FGF14: variants seen among roughly 807,000 people sequenced by gnomAD.
FGF14 encodes fibroblast growth factor 14.
In FGF14, 5 loss-of-function variants were observed where a neutral mutation model predicts 25.5. The ratio of observed to expected loss-of-function variants is 0.20; its 90% CI spans 0.10 to 0.41. FGF14 has a LOEUF of 0.41. Ranked by LOEUF, FGF14 falls within the 10% of genes least tolerant of loss-of-function variation. The pLI is 1.00. For synonymous variants in FGF14, 138 were observed against 118.3 expected (o/e 1.17, Z -1.08); for missense variants, 222 against 320.1 (o/e 0.69, Z 2.34).
chr13:102,076,661 C>A (rs922852785), intron 1 of FGF14, among the ~76,000 whole-genome samples: 1 of 151,994 alleles, frequency 6.6e-6, no homozygotes, highest in African/African-American at 2.4e-5. Context: ...ATTGAAGACA[C>A]AAATAAATCC....
intron 3 of FGF14, among the ~76,000 whole-genome samples, chr13:101,763,291 G>A (rs575961888): frequency 2.0e-5 from 3 of 152,284 alleles, no homozygotes; most frequent in Non-Finnish European, 4.4e-5. Context: ...TGTAAGGCAA[G>A]GGGTGCTCTC....
At chr13:102,385,073 C>A (rs549920561) in intron 1 of FGF14, among the ~76,000 whole-genome samples, 51 of 152,212 alleles carry the variant, frequency 3.4e-4, no homozygotes, top group Non-Finnish European at 5.4e-4. Context: ...CAATGATATA[C>A]GATATGTTAA....
At chr13:102,187,152 G>T (rs903986421) in intron 1 of FGF14, among the ~76,000 whole-genome samples, 3 of 152,154 alleles carry the variant, frequency 2.0e-5, no homozygotes. Flanking sequence ...AAATAGCACT[G>T]CCTCCGTCTA....
intron 2 of FGF14, 123 bp downstream of exon 2, chr13:101,875,063 G>T (rs984998516): frequency 2.7e-6 from 2 of 735,616 alleles, no homozygotes; most frequent in African/African-American, 3.5e-5. Context: ...GCATCCTAGT[G>T]TGTAACATTT....
chr13:102,209,878 T>C (rs947049112), intron 1 of FGF14, among the ~76,000 whole-genome samples: 1 of 152,086 alleles, frequency 6.6e-6, no homozygotes, highest in Non-Finnish European at 1.5e-5. Flanking sequence ...GAAAGACAAA[T>C]ATATCTTTTT....
intron 1 of FGF14, among the ~76,000 whole-genome samples, chr13:102,305,144 A>G (rs139688812): frequency 1.2e-4 from 19 of 152,310 alleles, no homozygotes; most frequent in African/African-American, 3.6e-4. Context: ...TAAAACAGAT[A>G]AAACAATGAT....
chr13:101,788,533 C>A (rs140413310), intron 3 of FGF14, among the ~76,000 whole-genome samples: 1 of 151,816 alleles, frequency 6.6e-6, no homozygotes, highest in South Asian at 2.1e-4. Context: ...TATTATGAAC[C>A]GGAAGCATGT....
At chr13:102,102,858 A>G (rs988123319) in intron 1 of FGF14, among the ~76,000 whole-genome samples, 1 of 152,166 alleles carries the variant, frequency 6.6e-6, no homozygotes, top group Non-Finnish European at 1.5e-5. Flanking sequence ...GTCTCTTTAA[A>G]ATCTCAAATA....
intron 1 of FGF14, among the ~76,000 whole-genome samples, chr13:102,317,854 C>T (rs1459361608): frequency 6.6e-6 from 1 of 152,162 alleles, no homozygotes; most frequent in Non-Finnish European, 1.5e-5. Context: ...TCCAGTTTGA[C>T]CATGTGGAAA....
chr13:102,147,765 G>C (rs1482553695), intron 1 of FGF14, among the ~76,000 whole-genome samples: 2 of 152,184 alleles, frequency 1.3e-5, no homozygotes, highest in Non-Finnish European at 2.9e-5. Context: ...GACTAAAAAA[G>C]CTGAACTTGA....
chr13:101,948,263 G>T lies in FGF14; in HGVS notation c.209-72967C>A, dbSNP rs984542475. Among the ~76,000 whole-genome samples, 5 of 152,048 alleles carry T rather than the reference G, an allele frequency of 3.3e-5. No homozygotes were observed. In the East Asian group the frequency reaches 9.6e-4, roughly 29 times the overall value. ...AGTCATCCACATGTATTTTGAAATA[G>T]CTCAGGTTTCCTTGCCCAATATATA... On this transcript the variant is annotated intron_variant, in intron 1 of 4. Transcript: ENST00000376131.
At chr13:102,303,056 C>T (rs1237526115) in intron 1 of FGF14, among the ~76,000 whole-genome samples, 1 of 152,188 alleles carries the variant, frequency 6.6e-6, no homozygotes, top group East Asian at 1.9e-4. Context: ...GACATCATCT[C>T]CTACCACTTT....
chr13:102,115,818 G>A (rs1594014215), intron 1 of FGF14, among the ~76,000 whole-genome samples: 1 of 145,664 alleles, frequency 6.9e-6, no homozygotes, highest in Admixed American at 6.9e-5. Flanking sequence ...CAAAAATAAA[G>A]TAGAAAAAAA....
At chr13:102,009,145 A>G (rs2039953577) in intron 1 of FGF14, among the ~76,000 whole-genome samples, 1 of 152,208 alleles carries the variant, frequency 6.6e-6, no homozygotes, top group Non-Finnish European at 1.5e-5. Flanking sequence ...CTGTATATTC[A>G]TTCAGGCTTT....
At chr13:102,258,842 CA>C (rs1460490599) in intron 1 of FGF14, among the ~76,000 whole-genome samples, 4 of 152,130 alleles carry the variant, frequency 2.6e-5, no homozygotes, top group African/African-American at 9.7e-5. Flanking sequence ...AAATACTATT[CA>C]AGTAAAACTA....
intron 1 of FGF14, among the ~76,000 whole-genome samples, chr13:101,965,984 C>T (rs2037167999): frequency 6.6e-6 from 1 of 152,098 alleles, no homozygotes; most frequent in African/African-American, 2.4e-5. Flanking sequence ...GTCACCAGAA[C>T]CACAATCAAC....
At chr13:102,150,735 G>C (rs1310037641) in intron 1 of FGF14, among the ~76,000 whole-genome samples, 1 of 152,056 alleles carries the variant, frequency 6.6e-6, no homozygotes, top group Admixed American at 6.6e-5. Context: ...TCAAATGCAG[G>C]TGATTTTGCC....
At chr13:101,771,053 A>G (rs994301604) in intron 3 of FGF14, among the ~76,000 whole-genome samples, 1 of 152,138 alleles carries the variant, frequency 6.6e-6, no homozygotes, top group South Asian at 2.1e-4. Flanking sequence ...AGTAAAATCA[A>G]TGTTGAGTTA....
At chr13:101,822,172 T>C (rs1045245527) in intron 3 of FGF14, among the ~76,000 whole-genome samples, 8 of 152,198 alleles carry the variant, frequency 5.3e-5, no homozygotes, top group African/African-American at 1.9e-4. Context: ...CAAATCTGTA[T>C]GTACATATAA....
Sources: gnomAD v4.1 joint callset for allele counts (sites outside exome capture counted in the v4.1 genomes callset) on GRCh38, gnomAD v4.1.1 for gene constraint, MANE v1.5 for transcripts, NCBI Gene and HGNC (gene_info 2026-07-23, HGNC 2026-07-21) for gene names.